TENM3: variants seen among roughly 807,000 people sequenced by gnomAD.
TENM3 encodes the protein teneurin transmembrane protein 3.
TENM3 carries 63 observed loss-of-function variants against 255.1 expected under a neutral mutation model. That is an observed-to-expected ratio of 0.25 (90% CI 0.20 to 0.30). The LOEUF (loss-of-function observed/expected upper bound fraction) is 0.30, where lower values mean the gene tolerates loss of function less well. TENM3 is among the 10% of genes least tolerant of loss of function. The pLI is 1.00. For synonymous variants in TENM3, 1,306 were observed against 1,322.3 expected, an observed-to-expected ratio of 0.99 and a Z score of 0.27; for missense variants, 2,929 against 3,461.1, an observed-to-expected ratio of 0.85 and a Z score of 3.86.
chr4:182,222,496 G>T (rs1427075737), intron 1 of TENM3, among the ~76,000 whole-genome samples: 1 of 152,112 alleles, frequency 6.6e-6, no homozygotes, highest in Non-Finnish European at 1.5e-5. Context: ...CTTTTTCCAG[G>T]CTTATCTGTT....
the TENM3 span, among the ~76,000 whole-genome samples, chr4:181,783,030 T>G: frequency 2.0e-5 from 3 of 152,208 alleles, no homozygotes; most frequent in Admixed American, 6.5e-5. Context: ...TGAGGAGTGC[T>G]TTACTTCCAC....
At chr4:182,382,000 G>A (rs1767607883) in intron 3 of TENM3, among the ~76,000 whole-genome samples, 2 of 152,170 alleles carry the variant, frequency 1.3e-5, no homozygotes, top group Admixed American at 1.3e-4. Context: ...ATTAGAATAT[G>A]CATTTTGCTT....
rs143202347 is a variant in TENM3 at position 182,281,264 on chromosome 4, T to A, written c.-76+37788T>A. Among the ~76,000 whole-genome samples, 732 of 152,334 alleles carry A rather than the reference T, an allele frequency of 4.8e-3. 8 individuals carry two copies. The highest frequency in any genetic ancestry group is 0.014 in the African/African-American group (565 of 41,578). Reference sequence around the variant, plus strand: ...AGAAATATTTAATACTATAATAGCATGCATTTTGTTAGCATTTGTCTATGT... The same window carrying A: ...AGAAATATTTAATACTATAATAGCAAGCATTTTGTTAGCATTTGTCTATGT... On this transcript the variant is annotated intron_variant, in intron 1 of 27. Coordinates refer to ENST00000511685, the MANE Select transcript of TENM3 (RefSeq NM_001080477.4).
chr4:182,385,290 C>T lies in TENM3; in HGVS notation c.511+38361C>T, dbSNP rs1767838557. Among the ~76,000 whole-genome samples, 3 of 103,998 alleles carry T rather than the reference C, an allele frequency of 2.9e-5. No individual in the cohort carries two copies. The Admixed American group carries it at 4.1e-4, about 14-fold the overall frequency. The allele number at this position is 103,998 out of a possible 152,430, so 68.2% of individuals were successfully genotyped here. A position where few individuals can be genotyped will look rare whatever the true frequency, so the allele number is the denominator to read the frequency against. ...TTTTTTTTTTTTTTTTTTGAGACGG[C>T]GTCTCGCTCTGTCACTCACACTGGA... On this transcript the variant is annotated intron_variant, in intron 3 of 27. Coordinates refer to ENST00000511685, the MANE Select transcript of TENM3 (RefSeq NM_001080477.4).
At chr4:181,681,025 A>G in the TENM3 span, among the ~76,000 whole-genome samples, 2 of 152,076 alleles carry the variant, frequency 1.3e-5, no homozygotes. Flanking sequence ...AGGAAACTGT[A>G]TATGTGGAGG....
chr4:182,201,673 G>T (rs988963673), intron 1 of TENM3, among the ~76,000 whole-genome samples: 1 of 152,034 alleles, frequency 6.6e-6, no homozygotes, highest in East Asian at 1.9e-4. Context: ...TGGCAGGGTG[G>T]GGGGTCTGGA....
chr4:182,526,215 C>T (rs1739156723), intron 3 of TENM3, among the ~76,000 whole-genome samples: 2 of 151,952 alleles, frequency 1.3e-5, no homozygotes, highest in South Asian at 2.1e-4. Context: ...CTCCTGACCT[C>T]GTGATCCACC....
At chr4:181,714,633 A>G in the TENM3 span, among the ~76,000 whole-genome samples, 2 of 152,162 alleles carry the variant, frequency 1.3e-5, 1 homozygote, top group Non-Finnish European at 2.9e-5. Context: ...AGAACACACT[A>G]AAGTAAGTGA....
At chr4:182,015,928 A>G in the TENM3 span, among the ~76,000 whole-genome samples, 1 of 152,202 alleles carries the variant, frequency 6.6e-6, no homozygotes, top group African/African-American at 2.4e-5. Context: ...ACTTAAAAAC[A>G]CAGGGATTGT....
At chr4:181,574,413 C>T in the TENM3 span, among the ~76,000 whole-genome samples, 2 of 151,742 alleles carry the variant, frequency 1.3e-5, no homozygotes, top group African/African-American at 2.4e-5. Flanking sequence ...CGCCTGTAGT[C>T]CCAGCTACTC....
At position 182,723,370 on chromosome 4, in the gene TENM3, T is replaced by C. The variant is rs536690728; in HGVS notation, c.2369-5595T>C. ...AATTCTGAATTCCACAAATAAAATA[T>C]TACATGGGAATTTCTAATTCGGACT... On this transcript the variant is annotated intron_variant, in intron 13 of 27. Transcript: ENST00000511685. 7.2e-5 allele frequency among the ~76,000 whole-genome samples: 11 copies of C among 152,286 alleles called. No individual in the cohort carries two copies. In the East Asian group the frequency reaches 1.9e-3, roughly 27 times the overall value.
rs924498480 is a variant in TENM3 at position 182,730,230 on chromosome 4, G to A, written c.2616G>A (p.Leu872=). The A allele has an allele frequency of 1.1e-5, 18 of 1,613,818 alleles. No homozygotes were observed. Among genetic ancestry groups the A allele is most frequent in the Non-Finnish European group, 1.5e-5 (18 of 1,179,800 alleles). Residue 872 remains leucine (L), a synonymous_variant, in exon 15 of 28, where the codon CTG becomes CTA. Transcript: ENST00000511685. ...SLASVIRGQV[L]TADGTPLIGV... Reference sequence around the variant, plus strand: ...CATCTGTCATCAGAGGCCAAGTACTGACTGCTGATGGAACTCCACTTATTG... The same window carrying A: ...CATCTGTCATCAGAGGCCAAGTACTAACTGCTGATGGAACTCCACTTATTG...
At chr4:182,192,170 C>T (rs1334301441) in intron 1 of TENM3, among the ~76,000 whole-genome samples, 5 of 152,092 alleles carry the variant, frequency 3.3e-5, no homozygotes, top group East Asian at 3.8e-4. Context: ...ATTTTTTTTA[C>T]ATCTTGTCTG....
At chr4:181,996,763 C>T in the TENM3 span, among the ~76,000 whole-genome samples, 3 of 152,084 alleles carry the variant, frequency 2.0e-5, no homozygotes, top group Non-Finnish European at 4.4e-5. Context: ...AAAGAAATCA[C>T]GATCAGCAGA....
At chr4:182,056,948 A>G in the TENM3 span, among the ~76,000 whole-genome samples, 5 of 151,672 alleles carry the variant, frequency 3.3e-5, no homozygotes, top group Non-Finnish European at 7.4e-5. Context: ...GAATATGTTC[A>G]GCTTACTTTG....
the TENM3 span, among the ~76,000 whole-genome samples, chr4:182,023,111 T>G: frequency 6.6e-6 from 1 of 152,338 alleles, no homozygotes; most frequent in African/African-American, 2.4e-5. Flanking sequence ...TTGTTTTAGC[T>G]TATGTAGAGC....
At chr4:181,974,190 G>A in the TENM3 span, among the ~76,000 whole-genome samples, 2 of 152,286 alleles carry the variant, frequency 1.3e-5, no homozygotes. Flanking sequence ...ATCTTGGCAT[G>A]GGTAGCACAC....
chr4:181,609,771 G>T, the TENM3 span, among the ~76,000 whole-genome samples: 3 of 152,192 alleles, frequency 2.0e-5, no homozygotes, highest in African/African-American at 7.2e-5. Flanking sequence ...TAACTGCATT[G>T]TATTTTGTGT....
chr4:182,360,876 T>C (rs1355641542), intron 3 of TENM3, among the ~76,000 whole-genome samples: 7 of 152,200 alleles, frequency 4.6e-5, no homozygotes, highest in African/African-American at 1.4e-4. Flanking sequence ...TTCCTTTCCA[T>C]GTGTAGTGCT....
Sources: allele counts gnomAD v4.1 joint callset (sites outside exome capture counted in the v4.1 genomes callset), GRCh38; gene constraint gnomAD v4.1.1; transcripts MANE v1.5; gene names NCBI Gene and HGNC (gene_info 2026-07-23, HGNC 2026-07-21).